SETD1B: variants seen among roughly 807,000 people sequenced by gnomAD.
The protein encoded by SETD1B is histone-lysine N-methyltransferase SETD1B.
A neutral mutation model predicts 148.0 loss-of-function variants in SETD1B; 7 were observed. That is an observed-to-expected ratio of 0.05 (90% confidence interval 0.03 to 0.09). The LOEUF (loss-of-function observed/expected upper bound fraction) is 0.09. Among genes scored for constraint, SETD1B ranks in the 10% least tolerant of loss-of-function variants. SETD1B has a pLI of 1.00. For synonymous variants in SETD1B, 1,361 were observed against 1,186.5 expected, an observed-to-expected ratio of 1.15 and a Z score of -3.02; for missense variants, 2,155 against 2,729.9, an observed-to-expected ratio of 0.79 and a Z score of 4.69.
chr12:121,797,374 C>A, the SETD1B span: 1 of 443,836 alleles, frequency 2.3e-6, no homozygotes, highest in Admixed American at 2.4e-5. Context: ...GCCCCGCGTT[C>A]GCTGGGTGAC....
chr12:121,805,128 A>G lies in SETD1B; in HGVS notation c.185A>G (p.Asn62Ser). The G allele has an allele frequency of 6.4e-7, 1 of 1,551,606 alleles. No individual in the cohort carries two copies. The highest frequency in any genetic ancestry group is 2.4e-5 in the East Asian group (1 of 40,912). ...AATTTCTCCCCACAGATGTCCAGCAACCGCCCGGTGGAAATTGTCGAAGAT... is the reference window on the plus strand; with the variant it reads ...AATTTCTCCCCACAGATGTCCAGCAGCCGCCCGGTGGAAATTGTCGAAGAT... ...GQHFSLAMSSNRPVEIVEDPR... is the reference protein window; with the variant it reads ...GQHFSLAMSSSRPVEIVEDPR... The change falls in exon 3 of 17, where the codon AAC (asparagine) becomes AGC (serine). Residue 62 changes from asparagine (N) to serine (S), a missense_variant. Asn to Ser is a conservative substitution (Grantham distance 46, BLOSUM62 1). Coordinates refer to ENST00000604567, the MANE Select transcript of SETD1B (RefSeq NM_001353345.2). The surrounding 1 kb of genome is among the most constrained non-coding windows in gnomAD (Gnocchi z 4.2).
the SETD1B span, among the ~76,000 whole-genome samples, chr12:121,794,967 C>T: frequency 6.6e-6 from 1 of 152,186 alleles, no homozygotes; most frequent in Non-Finnish European, 1.5e-5. Flanking sequence ...TGCTGGCGAC[C>T]CCACCCCGAA....
In SETD1B at chr12:121,807,532, G is replaced by A. The variant is rs575502892; in HGVS notation, c.545-676G>A. Among the ~76,000 whole-genome samples, 10 of 151,430 alleles carry A rather than the reference G, an allele frequency of 6.6e-5. No individual in the cohort carries two copies. The East Asian group carries it at 1.2e-3, about 18-fold the overall frequency. ...CCAACTAAGTTTGTATTTCAAGAAA[G>A]AGACCAGTAAAGTGTAGCTCCAGGA... On this transcript the variant is annotated intron_variant, in intron 4 of 16. Coordinates refer to ENST00000604567, the MANE Select transcript of SETD1B (RefSeq NM_001353345.2).
At position 121,810,689 on chromosome 12, in the gene SETD1B, G is replaced by A. The variant is rs1442448215; in HGVS notation, c.1744G>A (p.Glu582Lys). 7 of 1,550,650 alleles carry A rather than the reference G, an allele frequency of 4.5e-6. No individual in the cohort carries two copies. In the East Asian group the frequency reaches 1.5e-4, roughly 32 times the overall value. The change falls in exon 6 of 17, where the codon GAG (glutamate) becomes AAG (lysine). Residue 582 changes from glutamate to lysine, a missense_variant. By Grantham distance (56) the Glu-to-Lys change is moderately conservative. Around this residue, in one of 11 missense-constraint regions of SETD1B, gnomAD observed 295 missense variants for 303.8 expected, o/e 0.97. Transcript: ENST00000604567. This position sits in a 1 kb window ranked among gnomAD's most constrained non-coding sequence, Gnocchi z 7.6. ...ISPTPLPDSDEDEELDLGLGP... is the reference protein window; with the variant it reads ...ISPTPLPDSDKDEELDLGLGP... ...CCCAACACCCCTCCCAGACTCCGAC[G>A]AGGACGAGGAGCTCGACCTGGGCCT...
chr12:121,817,883 G>A lies in SETD1B; in HGVS notation c.3397G>A (p.Asp1133Asn), dbSNP rs757367255. The change falls in exon 10 of 17, where the codon GAC (aspartate) becomes AAC (asparagine). Residue 1133 changes from aspartate to asparagine, a missense_variant. By Grantham distance (23) the Asp-to-Asn change is conservative. Coordinates refer to ENST00000604567, the MANE Select transcript of SETD1B (RefSeq NM_001353345.2). The surrounding 1 kb of genome is among the most constrained non-coding windows in gnomAD (Gnocchi z 8.1). ...DTALSEASEKDEGDSDEEETV... is the reference protein window; with the variant it reads ...DTALSEASEKNEGDSDEEETV... Reference sequence around the variant, plus strand: ...AGCCCTGTCAGAGGCGAGTGAGAAGGACGAAGGGGACTCGGATGAAGGTGA... The same window carrying A: ...AGCCCTGTCAGAGGCGAGTGAGAAGAACGAAGGGGACTCGGATGAAGGTGA... The A allele has an allele frequency of 1.3e-6, 2 of 1,549,666 alleles. No individual in the cohort carries two copies. Among genetic ancestry groups the A allele is most frequent in the East Asian group, 4.9e-5 (2 of 40,884 alleles).
chr12:121,807,916 C>T (rs1355740534), intron 4 of SETD1B, among the ~76,000 whole-genome samples: 1 of 142,634 alleles, frequency 7.0e-6, no homozygotes, highest in Non-Finnish European at 1.5e-5. Context: ...TGGGGGGGGG[C>T]TGGGCGTCGC....
chr12:121,831,115 ACT>A lies in SETD1B; in HGVS notation c.*881_*882del, dbSNP rs1359055376. On this transcript the variant is annotated 3_prime_UTR_variant, in exon 17 of 17. Transcript: ENST00000604567. ...AGGGGCGCTGAGAACGCGGGCAGCC[ACT>A]CTCTTCTGCCCTTGCCTTCGCCCTG... The A allele has an allele frequency of 6.6e-6, 1 of 151,858 alleles. No homozygotes were observed. The highest frequency in any genetic ancestry group is 1.5e-5 in the Non-Finnish European group (1 of 67,964). The allele number at this position is 151,858 out of a possible 1,614,324, so 9.4% of individuals were successfully genotyped here. A position where few individuals can be genotyped will look rare whatever the true frequency, so the allele number is the denominator to read the frequency against.
At chr12:121,824,584 T>TTG (rs1876748986) in intron 12 of SETD1B, among the ~76,000 whole-genome samples, 1 of 151,872 alleles carries the variant, frequency 6.6e-6, no homozygotes, top group African/African-American at 2.4e-5. Flanking sequence ...GAGGCACAGG[T>TTG]TGTAGTGAGC....
chr12:121,809,562 A>T (rs746321379), intron 5 of SETD1B, 41 bp from the exon 6 acceptor site: 1 of 1,499,872 alleles, frequency 6.7e-7, no homozygotes, highest in East Asian at 2.5e-5. Flanking sequence ...GTTCCATTGC[A>T]TGTTTTCCCC....
At position 121,823,679 on chromosome 12, in the gene SETD1B, C is replaced by T. The variant is rs1876699687; in HGVS notation, c.5100C>T (p.Thr1700=). 3 of 1,551,480 alleles carry T rather than the reference C, an allele frequency of 1.9e-6. No individual in the cohort carries two copies. Among genetic ancestry groups the T allele is most frequent in the South Asian group, 1.2e-5 (1 of 84,064 alleles). The part of the protein sequence containing the change: ...DEEDIRFLCV[T]YERLLQQDNG... ...AGGACATCCGCTTCCTGTGTGTCAC[C>T]TACGAGCGACTGCTACAGCAGGACA... Residue 1700 remains threonine (T), a synonymous_variant, in exon 12 of 17, where the codon ACC becomes ACT. Transcript: ENST00000604567.
chr12:121,827,329 G>A (rs542617551), intron 13 of SETD1B, among the ~76,000 whole-genome samples, 190 bp from the exon 14 acceptor site: 1 of 152,312 alleles, frequency 6.6e-6, no homozygotes, highest in Admixed American at 6.5e-5. Context: ...GAAGATAGAA[G>A]GAGCTTGAGA....
chr12:121,796,930 C>G, the SETD1B span, among the ~76,000 whole-genome samples: 1 of 151,430 alleles, frequency 6.6e-6, no homozygotes, highest in African/African-American at 2.4e-5. Context: ...CCCAGCTACT[C>G]GGAGGCTGAG....
chr12:121,818,693 A>G (rs1876416400), intron 10 of SETD1B, among the ~76,000 whole-genome samples: 1 of 151,476 alleles, frequency 6.6e-6, no homozygotes, highest in Non-Finnish European at 1.5e-5. Context: ...GATCGAGACC[A>G]TCCTGGCTAA....
chr12:121,808,702 A>G lies in SETD1B; in HGVS notation c.657+382A>G, dbSNP rs1349948843. On this transcript the variant is annotated intron_variant, in intron 5 of 16. Transcript: ENST00000604567. This position sits in a 1 kb window ranked among gnomAD's most constrained non-coding sequence, Gnocchi z 5.3. ...GTGTCCTGGGCATGCCACTACCCCT[A>G]AACCCAGAAACCAGAGTTCATGCCC... Among the ~76,000 whole-genome samples the G allele has an allele frequency of 6.6e-6, 1 of 152,146 alleles. No individual in the cohort carries two copies. Among genetic ancestry groups the G allele is most frequent in the Non-Finnish European group, 1.5e-5 (1 of 68,018 alleles).
Position 121,810,475 on chromosome 12 carries a change from G to T in SETD1B, c.1530G>T (p.Gln510His). 6.5e-7 allele frequency: 1 copy of T among 1,548,046 alleles called. No individual in the cohort carries two copies. Among genetic ancestry groups the T allele is most frequent in the South Asian group, 1.2e-5 (1 of 84,076 alleles). ...GCATCGAGATGCTGCTGAAGGAGCA[G>T]CGCACCAAGCTGCTCTTCCTGAGGG... ...DSRIEMLLKE[Q>H]RTKLLFLREP... Residue 510 changes from glutamine (Q) to histidine (H), a missense_variant, in exon 6 of 17, where the codon CAG becomes CAT. Around this residue, in one of 11 missense-constraint regions of SETD1B, gnomAD observed 5 missense variants for 19.9 expected, o/e 0.25. Transcript: ENST00000604567. The surrounding 1 kb of genome is among the most constrained non-coding windows in gnomAD (Gnocchi z 7.6).
chr12:121,814,435 CAT>C lies in SETD1B; in HGVS notation c.2221_2222del (p.Ile741ProfsTer100). 2 of 1,439,240 alleles carry C rather than the reference CAT, an allele frequency of 1.4e-6. No individual in the cohort carries two copies. The highest frequency in any genetic ancestry group is 2.5e-5 in the East Asian group (1 of 39,336). The allele number at this position is 1,439,240 out of a possible 1,614,324, so 89.2% of individuals were successfully genotyped here. A position where few individuals can be genotyped will look rare whatever the true frequency, so the allele number is the denominator to read the frequency against. ...PAPPGVPPPP[I>X]LPPLPPFPPG... Reference sequence around the variant, plus strand: ...CGCCGCCTGGAGTCCCGCCCCCACCCATCCTGCCACCACTGCCCCCCTTTCCG... The same window carrying C: ...CGCCGCCTGGAGTCCCGCCCCCACCCCCTGCCACCACTGCCCCCCTTTCCG... On this transcript the variant is annotated frameshift_variant, in exon 7 of 17. Transcript: ENST00000604567. LOFTEE classifies it high-confidence loss of function.
At chr12:121,803,229 TG>T (rs1875486843), upstream of SETD1B, 1 of 152,042 alleles carries the variant, frequency 6.6e-6, no homozygotes, top group Non-Finnish European at 1.5e-5. The surrounding 1 kb of genome is among the most constrained non-coding windows in gnomAD (Gnocchi z 4.7). Flanking sequence ...GCGCGCTGAT[TG>T]GCCGCCGCCA....
At position 121,814,256 on chromosome 12, in the gene SETD1B, C is replaced by T; in HGVS notation, c.2041C>T (p.Leu681=). Residue 681 remains leucine (L), a synonymous_variant, in exon 7 of 17, where the codon CTG becomes TTG. Transcript: ENST00000604567. The stretch of plus-strand genomic sequence containing the variant: ...TTCTGTGCTAGCCCCAACCCTGCCG[C>T]TGCCCCCGCCACCTGGCTTCCCCCC... ...APSVLAPTLP[L]PPPPGFPPLP... is the part of the protein sequence containing the mutation. The T allele has an allele frequency of 1.3e-6, 2 of 1,489,652 alleles. No homozygotes were observed. The highest frequency in any genetic ancestry group is 1.8e-6 in the Non-Finnish European group (2 of 1,119,444). The allele number at this position is 1,489,652 out of a possible 1,614,324, so 92.3% of individuals were successfully genotyped here.
the SETD1B span, chr12:121,793,666 C>G: frequency 6.7e-6 from 10 of 1,498,734 alleles, no homozygotes; most frequent in South Asian, 1.3e-4. Flanking sequence ...CGGCGGCGCG[C>G]CGGGCACTAG....
Sources: gnomAD v4.1 joint callset for allele counts (sites outside exome capture counted in the v4.1 genomes callset) on GRCh38, gnomAD v4.1.1 for gene constraint, gnomAD v4.1.1 regional missense constraint, Gnocchi (gnomAD v3.1) non-coding constraint, MANE v1.5 for transcripts, NCBI Gene and HGNC (gene_info 2026-07-23, HGNC 2026-07-21) for gene names.